Variants in ABR observed in about 807,000 individuals in gnomAD.
The protein encoded by ABR is ABR activator of RhoGEF and GTPase, also known as active breakpoint cluster region-related protein.
ABR carries 35 observed loss-of-function variants against 107.2 expected under a neutral mutation model. The ratio of observed to expected loss-of-function variants is 0.33; its 90% confidence interval spans 0.25 to 0.43. The LOEUF is 0.43. ABR is among the 20% of genes least tolerant of loss of function. The probability of loss-of-function intolerance (pLI) is 1.00; values close to 1 mark genes in which losing one functional copy is unlikely to be tolerated. For missense variants in ABR, 815 were observed against 1,115.2 expected, an observed-to-expected ratio of 0.73 and a Z score of 3.83; for synonymous variants, 498 against 462.0, an observed-to-expected ratio of 1.08 and a Z score of -1.00.
intron 22 of ABR, 26 bp from the exon 23 acceptor site, chr17:1,006,195 C>A: frequency 6.5e-7 from 1 of 1,536,580 alleles, no homozygotes; most frequent in Non-Finnish European, 8.8e-7. Flanking sequence ...AAGGCGGAGG[C>A]TGGGCTCCCT....
At chr17:1,128,409 T>C (rs1353847663) in intron 1 of ABR, among the ~76,000 whole-genome samples, 1 of 152,214 alleles carries the variant, frequency 6.6e-6, no homozygotes, top group Non-Finnish European at 1.5e-5. Context: ...CAATATCCAT[T>C]TCCCCGCCGA....
intron 1 of ABR, chr17:1,126,306 C>T (rs1277678776): frequency 1.3e-5 from 2 of 152,494 alleles, no homozygotes; most frequent in African/African-American, 4.8e-5. Flanking sequence ...CGGCCCCTGC[C>T]CCTTGGCCTG....
At chr17:1,222,634 A>T (rs956795580) in intron 1 of ABR, among the ~76,000 whole-genome samples, 4 of 152,210 alleles carry the variant, frequency 2.6e-5, no homozygotes, top group Admixed American at 2.0e-4. Flanking sequence ...TCTCAGGGCC[A>T]AGTGTGGTGG....
chr17:1,054,552 C>CACAAGGAACCTGAGGGGAT (rs1567662366), intron 14 of ABR, among the ~76,000 whole-genome samples: 3 of 26,450 alleles, frequency 1.1e-4, no homozygotes, highest in African/African-American at 3.1e-4. Context: ...CCTGAGGGGA[C>CACAAGGAACCTGAGGGGAT]GGGGGCACAA....
At position 1,050,746 on chromosome 17, in the gene ABR, CGGAT is replaced by C. The variant is rs2032391493; in HGVS notation, c.1562-116_1562-113del. The C allele has an allele frequency of 2.4e-6, 2 of 835,478 alleles. No homozygotes were observed. Among genetic ancestry groups the C allele is most frequent in the African/African-American group, 3.3e-5 (2 of 59,930 alleles). The allele number at this position is 835,478 out of a possible 1,614,324, so 51.8% of individuals were successfully genotyped here. A position where few individuals can be genotyped will look rare whatever the true frequency, so the allele number is the denominator to read the frequency against. The stretch of plus-strand genomic sequence containing the variant: ...GCATCTGTCCTTTCCAACGTCCCCA[CGGAT>C]GGCATCTTGGCTCTCTCCTCCCTGA... On this transcript the variant is annotated intron_variant, in intron 14 of 22. Transcript: ENST00000302538. The surrounding 1 kb of genome is among the most constrained non-coding windows in gnomAD (Gnocchi z 4.6).
At chr17:1,192,353 TATG>T (rs1012507052) in intron 1 of ABR, among the ~76,000 whole-genome samples, 1 of 151,900 alleles carries the variant, frequency 6.6e-6, no homozygotes, top group African/African-American at 2.4e-5. Context: ...CCAGGCTGCT[TATG>T]ATAATAGACT....
intron 1 of ABR, among the ~76,000 whole-genome samples, chr17:1,145,291 C>T (rs1288987909): frequency 6.6e-6 from 1 of 152,176 alleles, no homozygotes; most frequent in Non-Finnish European, 1.5e-5. Flanking sequence ...GGTCTGGGGG[C>T]CAGGAAGTCC....
At chr17:1,060,504 T>A (rs1394735328) in intron 10 of ABR, among the ~76,000 whole-genome samples, 1 of 152,034 alleles carries the variant, frequency 6.6e-6, no homozygotes, top group Admixed American at 6.6e-5. Context: ...TGTAGTCTAG[T>A]CTCATTGGAC....
At chr17:1,198,893 A>G (rs1439516202) in intron 1 of ABR, among the ~76,000 whole-genome samples, 1 of 148,372 alleles carries the variant, frequency 6.7e-6, no homozygotes, top group South Asian at 2.1e-4. Context: ...TCAGCCTCCC[A>G]AAGTGCTGGG....
At chr17:1,082,821 T>C (rs1316597167) in intron 5 of ABR, among the ~76,000 whole-genome samples, 1 of 152,092 alleles carries the variant, frequency 6.6e-6, no homozygotes, top group Non-Finnish European at 1.5e-5. Flanking sequence ...CAGTGATTCT[T>C]ATCAAGCAAG....
intron 1 of ABR, among the ~76,000 whole-genome samples, chr17:1,164,723 G>A (rs1313650464): frequency 6.6e-6 from 1 of 152,112 alleles, no homozygotes; most frequent in East Asian, 1.9e-4. Context: ...CTGGAGTGCA[G>A]AGGCATGATC....
chr17:1,133,247 A>AG (rs2039924134), intron 1 of ABR, among the ~76,000 whole-genome samples: 3 of 151,946 alleles, frequency 2.0e-5, no homozygotes, highest in East Asian at 3.9e-4. Context: ...CGTCTCGAAA[A>AG]AAAAAAAAAA....
chr17:1,079,185 ACTCACACGCG>A (rs1203132430), intron 6 of ABR, 135 bp downstream of exon 6: 9 of 1,475,520 alleles, frequency 6.1e-6, no homozygotes, highest in South Asian at 1.3e-5. Flanking sequence ...CTCAGCTCAC[ACTCACACGCG>A]CTCACACACG....
intron 1 of ABR, among the ~76,000 whole-genome samples, chr17:1,130,420 C>A (rs1356046906): frequency 3.3e-5 from 5 of 151,920 alleles, no homozygotes; most frequent in African/African-American, 1.2e-4. Context: ...AATTCCAGCA[C>A]CCTCCCCACA....
chr17:1,178,848 G>C (rs2042011976), intron 1 of ABR, among the ~76,000 whole-genome samples: 1 of 151,222 alleles, frequency 6.6e-6, no homozygotes, highest in Admixed American at 6.6e-5. Flanking sequence ...GCAGGAGCAA[G>C]GTGCGGTGGT....
chr17:1,048,954 C>G (rs1018872033), intron 16 of ABR, among the ~76,000 whole-genome samples: 1 of 152,216 alleles, frequency 6.6e-6, no homozygotes, highest in Non-Finnish European at 1.5e-5. Flanking sequence ...AGACCACTTG[C>G]GGCACAGCAC....
In ABR at chr17:1,051,825, G is replaced by A. The variant is rs2032568652; in HGVS notation, c.1562-1191C>T. On this transcript the variant is annotated intron_variant, in intron 14 of 22. Transcript: ENST00000302538. This position sits in a 1 kb window ranked among gnomAD's most constrained non-coding sequence, Gnocchi z 4.3. The stretch of plus-strand genomic sequence containing the variant: ...AGGTGGCTCACGCCTGTAAATCCCA[G>A]CACTTTGGGAGGCCAAGGTGGGCAG... 6.6e-6 allele frequency among the ~76,000 whole-genome samples: 1 copy of A among 152,168 alleles called. No homozygotes were observed. Among genetic ancestry groups the A allele is most frequent in the African/African-American group, 2.4e-5 (1 of 41,438 alleles).
At chr17:1,017,189 G>T (rs900499650) in intron 16 of ABR, among the ~76,000 whole-genome samples, 10 of 152,096 alleles carry the variant, frequency 6.6e-5, no homozygotes, top group African/African-American at 2.4e-4. Context: ...CCGGCTGGAG[G>T]CAGGGGTCCT....
chr17:1,143,038 TTCCTGGGGGGCAGCTCGC>T lies in ABR; in HGVS notation c.62-17689_62-17672del, dbSNP rs1362133925. Among the ~76,000 whole-genome samples, 39 of 68,886 alleles carry T rather than the reference TTCCTGGGGGGCAGCTCGC, an allele frequency of 5.7e-4. No homozygotes were observed. In the East Asian group the frequency reaches 0.011, roughly 19 times the overall value. 45.2% of individuals were successfully genotyped at this position (68,886 alleles called of 152,430 possible). A position where few individuals can be genotyped will look rare whatever the true frequency, so the allele number is the denominator to read the frequency against. The stretch of plus-strand genomic sequence containing the variant: ...CAGCTCGCTCCTGGGGGACAGCTCA[TTCCTGGGGGGCAGCTCGC>T]TCCTGGGGGGCAGCTCGCTCCTGGG... On this transcript the variant is annotated intron_variant, in intron 1 of 22. Coordinates refer to ENST00000302538, the MANE Select transcript of ABR (RefSeq NM_021962.5).
Sources: gnomAD v4.1 joint callset for allele counts (sites outside exome capture counted in the v4.1 genomes callset) on GRCh38, gnomAD v4.1.1 for gene constraint, Gnocchi (gnomAD v3.1) non-coding constraint, MANE v1.5 for transcripts, NCBI Gene and HGNC (gene_info 2026-07-23, HGNC 2026-07-21) for gene names.